Variants in AZIN2 observed in about 807,000 individuals in gnomAD.
AZIN2 encodes the protein ODC antizyme inhibitor-2.
Under a neutral mutation model 47.8 loss-of-function variants are expected in AZIN2, and 28 were observed. The ratio of observed to expected loss-of-function variants is 0.59; its 90% CI spans 0.43 to 0.80. The LOEUF (loss-of-function observed/expected upper bound fraction) is 0.80, where lower values mean the gene tolerates loss of function less well. Among genes scored for constraint, AZIN2 ranks in the 30% least tolerant of loss-of-function variants. AZIN2 has a pLI of 0.00. For synonymous variants in AZIN2, 221 were observed against 239.4 expected (o/e 0.92, Z 0.71); for missense variants, 535 against 582.5 (o/e 0.92, Z 0.84).
At chr1:33,155,979 C>A in the AZIN2 span, among the ~76,000 whole-genome samples, 3 of 152,220 alleles carry the variant, frequency 2.0e-5, no homozygotes, top group Non-Finnish European at 2.9e-5. Flanking sequence ...AAAGGTGAAG[C>A]CATCAGAAGA....
At chr1:33,128,299 C>A (rs943281766), downstream of AZIN2, among the ~76,000 whole-genome samples, 1 of 151,798 alleles carries the variant, frequency 6.6e-6, no homozygotes, top group Admixed American at 6.6e-5. Context: ...ATTGCTTGAG[C>A]CTGGGAGGTC....
intron 11 of AZIN2, 131 bp from the exon 12 acceptor site, chr1:33,119,913 T>C: frequency 7.8e-7 from 1 of 1,289,386 alleles, no homozygotes; most frequent in Non-Finnish European, 1.1e-6. Flanking sequence ...GTCAGCAGCC[T>C]GTCCCTGCCC....
At chr1:33,160,532 G>A in the AZIN2 span, among the ~76,000 whole-genome samples, 1 of 151,984 alleles carries the variant, frequency 6.6e-6, no homozygotes, top group African/African-American at 2.4e-5. Context: ...AGCCTCCCTA[G>A]TAGCTGGGAT....
intron 10 of AZIN2, 96 bp from the exon 11 acceptor site, chr1:33,117,806 G>C (rs770856241): frequency 1.4e-4 from 183 of 1,351,522 alleles, no homozygotes; most frequent in Non-Finnish European, 1.8e-4. Context: ...ACTTTATCCT[G>C]TTGGCTATGG....
the AZIN2 span, among the ~76,000 whole-genome samples, chr1:33,152,691 T>G: frequency 6.6e-6 from 1 of 152,050 alleles, no homozygotes; most frequent in Non-Finnish European, 1.5e-5. Flanking sequence ...AAACAAATAA[T>G]TTAATCTGCA....
chr1:33,092,279 A>T, intron 6 of AZIN2, 57 bp downstream of exon 6: 1 of 1,362,058 alleles, frequency 7.3e-7, no homozygotes, highest in Non-Finnish European at 9.7e-7. Context: ...GGCTGTGGGG[A>T]GCCTGGGCTG....
chr1:33,111,475 C>A (rs1644282979), intron 10 of AZIN2, among the ~76,000 whole-genome samples: 1 of 152,070 alleles, frequency 6.6e-6, no homozygotes, highest in African/African-American at 2.4e-5. Flanking sequence ...AATATAACTT[C>A]TAACACAGAA....
chr1:33,118,161 G>A, intron 11 of AZIN2, 45 bp downstream of exon 11: 1 of 1,486,084 alleles, frequency 6.7e-7, no homozygotes, highest in Non-Finnish European at 8.9e-7. Context: ...GAGGAACTGG[G>A]CAGAAACGAG....
downstream of AZIN2, among the ~76,000 whole-genome samples, chr1:33,126,582 G>A (rs571318961): frequency 2.9e-4 from 44 of 152,236 alleles, no homozygotes; most frequent in African/African-American, 8.4e-4. Flanking sequence ...CTCCTGAATA[G>A]GTCTAGATCC....
At chr1:33,117,060 G>T (rs1644576595) in intron 10 of AZIN2, among the ~76,000 whole-genome samples, 1 of 152,174 alleles carries the variant, frequency 6.6e-6, no homozygotes, top group African/African-American at 2.4e-5. Context: ...CAAATTTCTG[G>T]ATTTGGAAAT....
Position 33,120,227 on chromosome 1 carries a change from T to C in AZIN2, c.*45T>C. ...GAGAATCCCAGCGGGGCCTCAGAGA[T>C]GCATCTGGGAGAGGTGGGGAAGATG... On this transcript the variant is annotated 3_prime_UTR_variant, in exon 12 of 12. Transcript: ENST00000294517. 1 of 1,562,722 alleles carries C rather than the reference T, an allele frequency of 6.4e-7. No individual in the cohort carries two copies. Among genetic ancestry groups the C allele is most frequent in the Non-Finnish European group, 8.7e-7 (1 of 1,148,278 alleles).
Position 33,093,311 on chromosome 1 carries a change from C to T in AZIN2, c.482C>T (p.Ser161Phe), listed in dbSNP as rs1224623722. The T allele has an allele frequency of 1.2e-6, 2 of 1,614,056 alleles. No individual in the cohort carries two copies. ...GTTCTGTGCATTGCTACCGATGACT[C>T]CCACTCCCTGAGCTGCCTGAGCCTA... ...KMVLCIATDD[S>F]HSLSCLSLKF... The change falls in exon 7 of 12, where the codon TCC becomes TTC. Residue 161 changes from serine (S) to phenylalanine (F), a missense_variant. Ser to Phe is a radical substitution (Grantham distance 155). Around this residue, in one of 3 missense-constraint regions of AZIN2, gnomAD observed 409 missense variants for 429.0 expected, o/e 0.95. Transcript: ENST00000294517.
At chr1:33,102,636 C>T (rs74064974) in intron 10 of AZIN2, among the ~76,000 whole-genome samples, 2,244 of 152,300 alleles carry the variant, frequency 0.015, 44 homozygotes, top group East Asian at 0.091. Context: ...CCTTTAAGTG[C>T]TGACTGTCTC....
At chr1:33,141,570 A>C in the AZIN2 span, among the ~76,000 whole-genome samples, 1 of 152,212 alleles carries the variant, frequency 6.6e-6, no homozygotes, top group African/African-American at 2.4e-5. Flanking sequence ...CTCTGATGCC[A>C]GCTTCCTGAA....
chr1:33,115,321 G>A (rs141674087), intron 10 of AZIN2, among the ~76,000 whole-genome samples: 35 of 152,116 alleles, frequency 2.3e-4, no homozygotes, highest in African/African-American at 8.4e-4. Flanking sequence ...GCAGATGCTT[G>A]TCCATTTCCA....
rs764836217 is a variant in AZIN2, at chr1:33,082,385, G to T, written c.105+31G>T. On this transcript the variant is annotated intron_variant, in intron 4 of 11. Transcript: ENST00000294517. The stretch of plus-strand genomic sequence containing the variant: ...GGGCTGGGAATGGGGGTGGGTCCCC[G>T]GTCCCCTGTACAGATCAGCTGCCTC... The T allele has an allele frequency of 2.6e-6, 4 of 1,554,532 alleles. No individual in the cohort carries two copies. The African/African-American group carries it at 4.1e-5, about 16-fold the overall frequency.
At chr1:33,085,879 G>A (rs1249375735) in intron 5 of AZIN2, among the ~76,000 whole-genome samples, 3 of 152,342 alleles carry the variant, frequency 2.0e-5, no homozygotes, top group East Asian at 3.9e-4. Context: ...GGGTAGCAGA[G>A]CCAGGACGTC....
the AZIN2 span, chr1:33,165,591 G>A: frequency 6.3e-7 from 1 of 1,581,790 alleles, no homozygotes; most frequent in Non-Finnish European, 8.6e-7. This position sits in a 1 kb window ranked among gnomAD's most constrained non-coding sequence, Gnocchi z 4.0. Context: ...GGGCCGGGAT[G>A]GGGGCAGGGG....
intron 9 of AZIN2, among the ~76,000 whole-genome samples, chr1:33,097,248 C>G (rs1238435378): frequency 1.3e-5 from 2 of 152,182 alleles, no homozygotes; most frequent in Non-Finnish European, 2.9e-5. Flanking sequence ...CTCCTACTCA[C>G]CCTACTGCTT....
Sources: allele counts gnomAD v4.1 joint callset (sites outside exome capture counted in the v4.1 genomes callset), GRCh38; gene constraint gnomAD v4.1.1; regional missense constraint gnomAD v4.1.1; non-coding constraint Gnocchi (gnomAD v3.1); transcripts MANE v1.5; gene names NCBI Gene and HGNC (gene_info 2026-07-23, HGNC 2026-07-21).